OCA2: variants seen among roughly 807,000 people sequenced by gnomAD.
OCA2 encodes the protein P protein.
OCA2 carries 77 observed loss-of-function variants against 100.2 expected under a neutral mutation model. The ratio of observed to expected loss-of-function variants is 0.77; its 90% CI spans 0.64 to 0.93. The LOEUF (loss-of-function observed/expected upper bound fraction) is 0.93. Among genes scored for constraint, OCA2 ranks in the 40% least tolerant of loss-of-function variants. The pLI is 0.00. For missense variants in OCA2, 1,062 were observed against 1,089.1 expected (o/e 0.98, Z 0.35); for synonymous variants, 432 against 439.2 (o/e 0.98, Z 0.21).
At chr15:27,972,823 A>ATTTTC (rs1316949943) in intron 14 of OCA2, among the ~76,000 whole-genome samples, 1,508 of 14,142 alleles carry the variant, frequency 0.11, 77 homozygotes, top group African/African-American at 0.26. Context: ...TTTGATGGTT[A>ATTTTC]TTTTATTTTA....
At chr15:28,076,548 A>T (rs1038834709) in intron 2 of OCA2, among the ~76,000 whole-genome samples, 6 of 151,926 alleles carry the variant, frequency 3.9e-5, no homozygotes, top group African/African-American at 1.4e-4. Flanking sequence ...TCTTGCCTTT[A>T]AAAAAAATAG....
intron 19 of OCA2, among the ~76,000 whole-genome samples, chr15:27,912,294 T>C (rs1376517464): frequency 6.6e-6 from 1 of 152,188 alleles, no homozygotes; most frequent in Non-Finnish European, 1.5e-5. Flanking sequence ...CAGATTTTGA[T>C]TTCTAAACAC....
At chr15:27,756,312 G>A (rs1361387263) in intron 23 of OCA2, among the ~76,000 whole-genome samples, 1 of 152,186 alleles carries the variant, frequency 6.6e-6, no homozygotes, top group East Asian at 1.9e-4. Flanking sequence ...CATAAGTGTA[G>A]GAAGAGGCTA....
intron 19 of OCA2, among the ~76,000 whole-genome samples, chr15:27,913,915 G>GAAAGAA (rs2038558990): frequency 2.1e-5 from 1 of 47,592 alleles, no homozygotes; most frequent in African/African-American, 9.8e-5. Context: ...AAGCAAGCAA[G>GAAAGAA]CAAGCAAGCA....
In OCA2 at chr15:27,831,284, CAAAAAA is replaced by C. The variant is rs71132824; in HGVS notation, c.2432+13669_2432+13674del. On this transcript the variant is annotated intron_variant, in intron 23 of 23. Coordinates refer to ENST00000354638, the MANE Select transcript of OCA2 (RefSeq NM_000275.3). Reference sequence around the variant, plus strand: ...CTGGTGACAGAGCGAGACTCCGTCTCAAAAAAAAAAAAAAAAAAAAAATCGGTCTGA... The same window carrying C: ...CTGGTGACAGAGCGAGACTCCGTCTCAAAAAAAAAAAAAAAATCGGTCTGA... 2.2e-4 allele frequency among the ~76,000 whole-genome samples: 14 copies of C among 62,632 alleles called. No individual in the cohort carries two copies. In the South Asian group the frequency reaches 6.5e-3, roughly 29 times the overall value. The allele number at this position is 62,632 out of a possible 152,430, so 41.1% of individuals were successfully genotyped here.
the OCA2 span, among the ~76,000 whole-genome samples, chr15:27,736,419 G>A: frequency 6.6e-6 from 1 of 152,176 alleles, no homozygotes; most frequent in Non-Finnish European, 1.5e-5. Context: ...TTTATTTGTG[G>A]ACTCTAAGGT....
the OCA2 span, among the ~76,000 whole-genome samples, chr15:27,730,778 T>TATATAG: frequency 1.7e-5 from 2 of 118,710 alleles, no homozygotes; most frequent in African/African-American, 3.6e-5. Context: ...TATATATATA[T>TATATAG]GTTTTTTTTT....
intron 1 of OCA2, 42 bp downstream of exon 1, chr15:28,099,182 C>T (rs7497270): frequency 0.13 from 19,306 of 153,158 alleles, 2,221 homozygotes; most frequent in East Asian, 0.65. Context: ...TAGTCTGGCT[C>T]CTCGCCTCCT....
intron 21 of OCA2, among the ~76,000 whole-genome samples, chr15:27,853,428 T>G (rs199841452): frequency 1.5e-4 from 10 of 66,168 alleles, no homozygotes; most frequent in Admixed American, 7.2e-4. Context: ...TGTTGTGGGG[T>G]GGGGGGAGGG....
At chr15:27,976,554 A>G (rs561391701) in intron 14 of OCA2, among the ~76,000 whole-genome samples, 1 of 152,190 alleles carries the variant, frequency 6.6e-6, no homozygotes, top group Admixed American at 6.5e-5. Flanking sequence ...AGTAAATTAC[A>G]TTGATTAATA....
intron 2 of OCA2, among the ~76,000 whole-genome samples, chr15:28,064,967 C>A (rs533745649): frequency 7.2e-5 from 11 of 151,834 alleles, no homozygotes; most frequent in Non-Finnish European, 1.0e-4. Context: ...AGGTACTTTT[C>A]CAAACTATTT....
At chr15:28,009,526 A>C (rs2042179499) in intron 9 of OCA2, among the ~76,000 whole-genome samples, 1 of 152,140 alleles carries the variant, frequency 6.6e-6, no homozygotes, top group South Asian at 2.1e-4. Flanking sequence ...CGTCTCTACT[A>C]AAAACACAAA....
In OCA2 at chr15:27,951,820, GGAAA is replaced by G. The variant is rs1297737900; in HGVS notation, c.1911_1914del (p.Phe638SerfsTer24). On this transcript the variant is annotated frameshift_variant, in exon 18 of 24. Coordinates refer to ENST00000354638, the MANE Select transcript of OCA2 (RefSeq NM_000275.3). LOFTEE classifies it high-confidence loss of function. ...TGAATGCCAGGGACAAACGAATTGA[GGAAA>G]AACATGAAGATAACAAATCCCAACA... 3 of 1,613,710 alleles carry G rather than the reference GGAAA, an allele frequency of 1.9e-6. No homozygotes were observed. In the African/African-American group the frequency reaches 4.0e-5, roughly 22 times the overall value.
intron 6 of OCA2, among the ~76,000 whole-genome samples, chr15:28,019,383 T>C (rs2042517535): frequency 6.6e-6 from 1 of 152,012 alleles, no homozygotes; most frequent in Non-Finnish European, 1.5e-5. Flanking sequence ...TTGTAGAGGT[T>C]TGCTGGCTTC....
chr15:28,096,443 A>T (rs914771993), intron 1 of OCA2, among the ~76,000 whole-genome samples: 1 of 152,156 alleles, frequency 6.6e-6, no homozygotes. Context: ...CATTTGAAGC[A>T]TTCCTTCTAG....
chr15:27,880,458 T>C (rs1376842330), intron 19 of OCA2, among the ~76,000 whole-genome samples: 1 of 152,226 alleles, frequency 6.6e-6, no homozygotes, highest in Non-Finnish European at 1.5e-5. Flanking sequence ...ATGGCCATTT[T>C]CACAATATTG....
chr15:27,763,607 G>A (rs187531581), intron 23 of OCA2, among the ~76,000 whole-genome samples: 6 of 152,336 alleles, frequency 3.9e-5, no homozygotes, highest in East Asian at 1.9e-4. Flanking sequence ...TTGCGATGCC[G>A]GTGTGATGGA....
chr15:28,034,471 T>C (rs566807162), intron 2 of OCA2, among the ~76,000 whole-genome samples: 72 of 152,252 alleles, frequency 4.7e-4, no homozygotes, highest in African/African-American at 1.7e-3. Flanking sequence ...TCAAAGTAAG[T>C]TCTTAATAAA....
intron 14 of OCA2, among the ~76,000 whole-genome samples, chr15:27,967,308 T>C (rs372367595): frequency 6.6e-6 from 1 of 152,114 alleles, no homozygotes; most frequent in African/African-American, 2.4e-5. Context: ...CACGGATTCC[T>C]TACCATGATT....
Sources: allele counts gnomAD v4.1 joint callset (sites outside exome capture counted in the v4.1 genomes callset), GRCh38; gene constraint gnomAD v4.1.1; transcripts MANE v1.5; gene names NCBI Gene and HGNC (gene_info 2026-07-23, HGNC 2026-07-21).